Variants in LRP1B observed in about 807,000 individuals in gnomAD.
LRP1B encodes LDL receptor related protein 1B, also known as low-density lipoprotein receptor-related protein 1B.
LRP1B carries 217 observed loss-of-function variants against 556.6 expected under a neutral mutation model. The ratio of observed to expected loss-of-function variants is 0.39; its 90% CI spans 0.35 to 0.44. LRP1B has a LOEUF of 0.44. Ranked by LOEUF, LRP1B falls within the 20% of genes least tolerant of loss-of-function variation. The pLI is 1.00. For synonymous variants in LRP1B, 2,047 were observed against 1,865.8 expected (o/e 1.10, Z -2.50); for missense variants, 5,053 against 5,620.8 (o/e 0.90, Z 3.23).
chr2:141,355,521 C>A (rs1015679532), intron 3 of LRP1B, among the ~76,000 whole-genome samples: 1 of 151,792 alleles, frequency 6.6e-6, no homozygotes, highest in Non-Finnish European at 1.5e-5. Flanking sequence ...CAGTGGCAAA[C>A]AAAGACCCAA....
At chr2:140,683,729 G>A (rs10208923) in intron 41 of LRP1B, 709,842 of 825,250 alleles carry the variant, frequency 0.86, 306,766 homozygotes, top group Non-Finnish European at 0.89. Flanking sequence ...TGTGCTCCCC[G>A]GGCTAGTCGA....
At chr2:142,122,888 T>C (rs1707507512) in intron 1 of LRP1B, among the ~76,000 whole-genome samples, 1 of 152,076 alleles carries the variant, frequency 6.6e-6, no homozygotes, top group East Asian at 1.9e-4. Flanking sequence ...GCTTTGGAAA[T>C]GCACAAAATG....
chr2:140,591,385 T>C (rs975832901), intron 43 of LRP1B, among the ~76,000 whole-genome samples: 1 of 152,230 alleles, frequency 6.6e-6, no homozygotes, highest in Admixed American at 6.5e-5. Flanking sequence ...ACTCTGCTTC[T>C]TGTCTATGAT....
chr2:141,337,584 T>A (rs1687895128), intron 3 of LRP1B, among the ~76,000 whole-genome samples: 1 of 152,214 alleles, frequency 6.6e-6, no homozygotes, highest in South Asian at 2.1e-4. Flanking sequence ...TTCAATGTAT[T>A]TAGTTTTTTC....
intron 41 of LRP1B, among the ~76,000 whole-genome samples, chr2:140,631,449 A>T (rs557202345): frequency 5.6e-4 from 85 of 152,344 alleles, no homozygotes; most frequent in African/African-American, 1.9e-3. Context: ...GGGTAATGTA[A>T]GCACAGAGAT....
chr2:140,475,123 T>A lies in LRP1B; in HGVS notation c.9625+15A>T, dbSNP rs774525807. The A allele has an allele frequency of 7.2e-7, 1 of 1,390,832 alleles. No individual in the cohort carries two copies. The highest frequency in any genetic ancestry group is 9.5e-7 in the Non-Finnish European group (1 of 1,050,244). The allele number at this position is 1,390,832 out of a possible 1,614,324, so 86.2% of individuals were successfully genotyped here. A position where few individuals can be genotyped will look rare whatever the true frequency, so the allele number is the denominator to read the frequency against. ...ACCTGGTAAAATACTAGAATATTTA[T>A]GTTACTGGACCAACCTTTGTGTCTA... On this transcript the variant is annotated intron_variant, in intron 60 of 90. Coordinates refer to ENST00000389484, the MANE Select transcript of LRP1B (RefSeq NM_018557.3).
intron 59 of LRP1B, among the ~76,000 whole-genome samples, chr2:140,481,604 T>G (rs1573987501): frequency 7.6e-6 from 1 of 132,142 alleles, no homozygotes; most frequent in African/African-American, 2.7e-5. Flanking sequence ...TTATTATTAT[T>G]ATTATTATTA....
intron 3 of LRP1B, among the ~76,000 whole-genome samples, chr2:141,258,145 T>C (rs1029123808): frequency 7.9e-5 from 12 of 152,188 alleles, no homozygotes; most frequent in African/African-American, 2.9e-4. Context: ...CGGTGTCTGA[T>C]CCATATTCCT....
intron 43 of LRP1B, among the ~76,000 whole-genome samples, chr2:140,550,740 T>C (rs181054823): frequency 1.4e-3 from 217 of 152,266 alleles, no homozygotes; most frequent in East Asian, 0.011. Flanking sequence ...TATTTCTCGT[T>C]TGGATTTCTT....
intron 86 of LRP1B, among the ~76,000 whole-genome samples, chr2:140,247,390 CATTTTACTT>C (rs1243609938): frequency 6.6e-5 from 10 of 151,568 alleles, no homozygotes; most frequent in Non-Finnish European, 1.5e-4. Context: ...GATTTATAGA[CATTTTACTT>C]ATTCTGTGTT....
intron 31 of LRP1B, among the ~76,000 whole-genome samples, chr2:140,831,035 T>G (rs1456061071): frequency 6.6e-6 from 1 of 151,990 alleles, no homozygotes; most frequent in Non-Finnish European, 1.5e-5. Flanking sequence ...AACAATAAAC[T>G]ACTGATGAAA....
At chr2:140,528,885 T>C (rs1001402241) in intron 47 of LRP1B, among the ~76,000 whole-genome samples, 1 of 152,064 alleles carries the variant, frequency 6.6e-6, no homozygotes, top group Non-Finnish European at 1.5e-5. Context: ...CTTCACTTCG[T>C]TGTGGTCAGT....
chr2:140,651,526 T>TAAAAAAA (rs558677783), intron 41 of LRP1B, among the ~76,000 whole-genome samples: 2 of 107,028 alleles, frequency 1.9e-5, no homozygotes, highest in African/African-American at 7.5e-5. Flanking sequence ...ATACAAAAAT[T>TAAAAAAA]AAAAAAAAAA....
chr2:140,748,858 T>TAC (rs201773071), intron 35 of LRP1B, among the ~76,000 whole-genome samples: 3,516 of 138,906 alleles, frequency 0.025, 91 homozygotes, highest in Non-Finnish European at 0.038. Flanking sequence ...ATAATATATA[T>TAC]ACACACACAC....
intron 3 of LRP1B, among the ~76,000 whole-genome samples, chr2:141,369,443 CA>C (rs1689151456): frequency 6.6e-6 from 1 of 151,912 alleles, no homozygotes; most frequent in Non-Finnish European, 1.5e-5. Context: ...TCAAGGGCCC[CA>C]AAAATATCAA....
intron 3 of LRP1B, among the ~76,000 whole-genome samples, chr2:141,388,451 T>A (rs1474217626): frequency 1.3e-5 from 2 of 151,918 alleles, no homozygotes; most frequent in African/African-American, 4.8e-5. Context: ...ATAAATAAAT[T>A]AATTAAATAA....
At chr2:140,702,356 G>A (rs2105429533) in intron 38 of LRP1B, 64 bp from the exon 39 acceptor site, 1 of 1,605,008 alleles carries the variant, frequency 6.2e-7, no homozygotes, top group Admixed American at 1.7e-5. Context: ...GAAAATAAAG[G>A]AACACTAAAA....
At chr2:141,218,639 AAAGG>A (rs1389255607) in intron 6 of LRP1B, among the ~76,000 whole-genome samples, 1 of 152,210 alleles carries the variant, frequency 6.6e-6, no homozygotes, top group African/African-American at 2.4e-5. Context: ...GGGAAGGGGT[AAAGG>A]GAAAAGATTG....
chr2:140,397,010 G>A (rs898462490), intron 66 of LRP1B, among the ~76,000 whole-genome samples: 2 of 152,108 alleles, frequency 1.3e-5, no homozygotes, highest in African/African-American at 4.8e-5. Flanking sequence ...AGGTCACAGA[G>A]TATTAGAATC....
Sources: gnomAD v4.1 joint callset for allele counts (sites outside exome capture counted in the v4.1 genomes callset) on GRCh38, gnomAD v4.1.1 for gene constraint, MANE v1.5 for transcripts, NCBI Gene and HGNC (gene_info 2026-07-23, HGNC 2026-07-21) for gene names.